The following NCKAP5 variants were observed in gnomAD, a reference collection of about 807,000 sequenced individuals.
NCKAP5 encodes NCK associated protein 5.
Under a neutral mutation model 167.0 loss-of-function variants are expected in NCKAP5, and 92 were observed. That is an observed-to-expected ratio of 0.55 (90% CI 0.47 to 0.66). NCKAP5 has a LOEUF of 0.66. NCKAP5 is among the 30% of genes least tolerant of loss of function. NCKAP5 has a pLI of 0.00. For missense variants in NCKAP5, 2,378 were observed against 2,315.0 expected (o/e 1.03, Z -0.56); for synonymous variants, 891 against 877.4 (o/e 1.02, Z -0.27).
intron 2 of NCKAP5, among the ~76,000 whole-genome samples, chr2:133,519,204 T>C (rs1684274028): frequency 6.6e-6 from 1 of 152,194 alleles, no homozygotes; most frequent in Admixed American, 6.5e-5. Flanking sequence ...TATTCCAGCT[T>C]AGGCTTCCTC....
At chr2:133,049,877 G>A (rs1244113612) in intron 6 of NCKAP5, among the ~76,000 whole-genome samples, 1 of 152,196 alleles carries the variant, frequency 6.6e-6, no homozygotes, top group African/African-American at 2.4e-5. Flanking sequence ...CCCTGGCCTA[G>A]TGCTAGAGCC....
At chr2:132,801,703 T>C (rs1685049408) in intron 11 of NCKAP5, among the ~76,000 whole-genome samples, 4 of 152,156 alleles carry the variant, frequency 2.6e-5, no homozygotes, top group African/African-American at 9.7e-5. Flanking sequence ...GGACTATACA[T>C]TGGGTCGGTA....
Position 133,032,962 on chromosome 2 carries a change from AG to A in NCKAP5, c.342-38724del, listed in dbSNP as rs1279640830. 3.3e-5 allele frequency among the ~76,000 whole-genome samples: 5 copies of A among 152,280 alleles called. No individual in the cohort carries two copies. The East Asian group carries it at 9.7e-4, about 29-fold the overall frequency. On this transcript the variant is annotated intron_variant, in intron 6 of 19. Transcript: ENST00000409261. The stretch of plus-strand genomic sequence containing the variant: ...AGAACTCACTATCATGAGAAGAGCA[AG>A]GGGAAAATCTGCCTCCATGATCCAA...
rs573778767 is a variant in NCKAP5 at position 132,977,093 on chromosome 2, A to G, written c.430-13224T>C. 7.9e-5 allele frequency among the ~76,000 whole-genome samples: 12 copies of G among 152,324 alleles called. No individual in the cohort carries two copies. The South Asian group carries it at 1.7e-3, about 21-fold the overall frequency. ...AGTAAGTAGATACTGTATGCAATTC[A>G]ACAGGTCACAATTATAATGTAAGAC... On this transcript the variant is annotated intron_variant, in intron 7 of 19. Coordinates refer to ENST00000409261, the MANE Select transcript of NCKAP5 (RefSeq NM_207363.3).
rs1378730300 is a variant in NCKAP5 at position 132,782,312 on chromosome 2, T to C, written c.4499A>G (p.Gln1500Arg). 6.2e-7 allele frequency: 1 copy of C among 1,614,090 alleles called. No homozygotes were observed. The highest frequency in any genetic ancestry group is 2.2e-5 in the East Asian group (1 of 44,882). ...GCTGGCAAAAGAAGGCCCAGGCTTC[T>C]GCTTTGCTTCCACAGAGGTGGGCTT... ...QTKPTSVEAKQKPGPSFASWF... is the reference protein window; with the variant it reads ...QTKPTSVEAKRKPGPSFASWF... Residue 1500 changes from glutamine (Q) to arginine (R), a missense_variant, in exon 14 of 20, where the codon CAG becomes CGG. Coordinates refer to ENST00000409261, the MANE Select transcript of NCKAP5 (RefSeq NM_207363.3).
At chr2:133,583,520 A>T in the NCKAP5 span, among the ~76,000 whole-genome samples, 52,669 of 151,978 alleles carry the variant, frequency 0.35, 10,151 homozygotes, top group African/African-American at 0.53. Flanking sequence ...TCTTTTCTTT[A>T]TAAATTACCC....
At chr2:133,445,197 A>G (rs757695508) in intron 3 of NCKAP5, among the ~76,000 whole-genome samples, 19 of 152,194 alleles carry the variant, frequency 1.2e-4, no homozygotes, top group Non-Finnish European at 2.1e-4. Flanking sequence ...AATTAATACA[A>G]GAAATGAGCT....
chr2:133,310,408 T>C (rs1447458314), intron 3 of NCKAP5, among the ~76,000 whole-genome samples: 1 of 152,192 alleles, frequency 6.6e-6, no homozygotes, highest in Non-Finnish European at 1.5e-5. Context: ...GCAGACTTTC[T>C]AGTGGAGCTT....
the NCKAP5 span, among the ~76,000 whole-genome samples, chr2:133,631,382 T>G: frequency 6.6e-6 from 1 of 152,232 alleles, no homozygotes; most frequent in South Asian, 2.1e-4. Flanking sequence ...GCAATCTACA[T>G]GTGGAAGGTT....
the NCKAP5 span, among the ~76,000 whole-genome samples, chr2:133,628,714 G>A: frequency 1.3e-5 from 2 of 152,154 alleles, no homozygotes; most frequent in African/African-American, 2.4e-5. Context: ...AAAGCTGGGG[G>A]CATCAAACTA....
chr2:132,931,569 C>A (rs1380907578), intron 8 of NCKAP5: 1 of 152,154 alleles, frequency 6.6e-6, no homozygotes, highest in Non-Finnish European at 1.5e-5. Context: ...GTAAAATGAT[C>A]TCAGTGCCTT....
chr2:133,297,069 T>A (rs972916387), intron 4 of NCKAP5, among the ~76,000 whole-genome samples: 6 of 152,138 alleles, frequency 3.9e-5, no homozygotes, highest in Admixed American at 3.3e-4. Context: ...TATAAAAAAA[T>A]TCTTTTTCTC....
At chr2:133,234,296 T>C (rs1559299177) in intron 4 of NCKAP5, among the ~76,000 whole-genome samples, 1 of 152,154 alleles carries the variant, frequency 6.6e-6, no homozygotes, top group Non-Finnish European at 1.5e-5. Flanking sequence ...TTTCAAGACA[T>C]TCACACAGCA....
At chr2:133,198,505 GA>G (rs1247824878) in intron 5 of NCKAP5, among the ~76,000 whole-genome samples, 1 of 152,064 alleles carries the variant, frequency 6.6e-6, no homozygotes, top group Non-Finnish European at 1.5e-5. Flanking sequence ...CTGAAAGGAA[GA>G]AACTACCAAC....
chr2:133,576,885 G>C, the NCKAP5 span, among the ~76,000 whole-genome samples: 1 of 152,206 alleles, frequency 6.6e-6, no homozygotes, highest in Non-Finnish European at 1.5e-5. Context: ...TCCAAAGGTC[G>C]CAGGGTTAGT....
chr2:133,547,606 C>T (rs966551698), intron 2 of NCKAP5, among the ~76,000 whole-genome samples: 57 of 151,364 alleles, frequency 3.8e-4, no homozygotes, highest in African/African-American at 1.4e-3. Flanking sequence ...AGGCACCCCC[C>T]AGCAGGGGCA....
intron 3 of NCKAP5, among the ~76,000 whole-genome samples, chr2:133,460,558 C>T (rs1052820134): frequency 6.6e-6 from 1 of 152,072 alleles, no homozygotes; most frequent in African/African-American, 2.4e-5. Flanking sequence ...ATAATTGTCG[C>T]TCATTTACTA....
At chr2:132,769,687 T>G (rs1681852771) in intron 16 of NCKAP5, among the ~76,000 whole-genome samples, 1 of 152,234 alleles carries the variant, frequency 6.6e-6, no homozygotes, top group Non-Finnish European at 1.5e-5. Context: ...AGCTACTTCA[T>G]GCAATGGAGG....
At chr2:133,189,660 A>T (rs1369787030) in intron 5 of NCKAP5, among the ~76,000 whole-genome samples, 1 of 152,246 alleles carries the variant, frequency 6.6e-6, no homozygotes, top group Admixed American at 6.5e-5. Context: ...AATCCAGCAT[A>T]TAAACAGAAC....
Sources: gnomAD v4.1 joint callset for allele counts (sites outside exome capture counted in the v4.1 genomes callset) on GRCh38, gnomAD v4.1.1 for gene constraint, MANE v1.5 for transcripts, NCBI Gene and HGNC (gene_info 2026-07-23, HGNC 2026-07-21) for gene names.